The following PDE4D variants were observed in gnomAD, a reference collection of about 807,000 sequenced individuals.
PDE4D encodes phosphodiesterase 4D, also known as 3',5'-cyclic-AMP phosphodiesterase 4D.
In PDE4D, 24 loss-of-function variants were observed where a neutral mutation model predicts 87.4. That is an observed-to-expected ratio of 0.27 (90% CI 0.20 to 0.39). PDE4D has a LOEUF of 0.39. Among genes scored for constraint, PDE4D ranks in the 10% least tolerant of loss-of-function variants. The probability of loss-of-function intolerance (pLI) is 1.00; values close to 1 mark genes in which losing one functional copy is unlikely to be tolerated. For missense variants in PDE4D, 714 were observed against 1,041.0 expected, an observed-to-expected ratio of 0.69 and a Z score of 4.32; for synonymous variants, 384 against 383.2, an observed-to-expected ratio of 1.00 and a Z score of -0.02.
At chr5:60,056,878 T>C (rs996180122) in intron 2 of PDE4D, among the ~76,000 whole-genome samples, 1 of 152,058 alleles carries the variant, frequency 6.6e-6, no homozygotes, top group East Asian at 1.9e-4. Context: ...TATGACTCTC[T>C]ACCTCCAGGT....
chr5:59,328,486 T>C (rs1047862542), intron 1 of PDE4D, among the ~76,000 whole-genome samples: 65 of 152,298 alleles, frequency 4.3e-4, no homozygotes, highest in African/African-American at 1.5e-3. Flanking sequence ...ATTTAACATA[T>C]ACATATCAGA....
chr5:59,000,578 C>T (rs566695060), intron 6 of PDE4D, among the ~76,000 whole-genome samples: 1 of 152,206 alleles, frequency 6.6e-6, no homozygotes, highest in African/African-American at 2.4e-5. Context: ...AGGGGTGGGA[C>T]CACTTGCAAT....
At chr5:59,470,971 T>A (rs137911270) in intron 1 of PDE4D, among the ~76,000 whole-genome samples, 30 of 152,260 alleles carry the variant, frequency 2.0e-4, no homozygotes, top group African/African-American at 6.5e-4. Flanking sequence ...CAATGGCTCA[T>A]ACCTGGGATC....
rs572997842 is a variant in PDE4D, at chr5:60,145,436, C to A, written c.42+40121G>T. Among the ~76,000 whole-genome samples the A allele has an allele frequency of 2.6e-5, 4 of 152,290 alleles. No homozygotes were observed. The South Asian group carries it at 8.3e-4, about 32-fold the overall frequency. Reference sequence around the variant, plus strand: ...TTAATTACCAAAGTCCTCAACAGTTCTAAGTTACTTAAGAGTCATCTTAAC... The same window carrying A: ...TTAATTACCAAAGTCCTCAACAGTTATAAGTTACTTAAGAGTCATCTTAAC... On this transcript the variant is annotated intron_variant, in intron 2 of 16. Coordinates refer to the PDE4D transcript ENST00000502484.
At chr5:59,159,839 C>A (rs1160779931) in intron 5 of PDE4D, among the ~76,000 whole-genome samples, 1 of 152,106 alleles carries the variant, frequency 6.6e-6, no homozygotes, top group Non-Finnish European at 1.5e-5. Flanking sequence ...ACAAAAGATG[C>A]CAATAAAGCC....
chr5:60,454,406 C>T (rs1265640246), intron 1 of PDE4D, among the ~76,000 whole-genome samples: 5 of 152,048 alleles, frequency 3.3e-5, no homozygotes, highest in African/African-American at 9.7e-5. Flanking sequence ...ACCCAAATGC[C>T]GATCAATGAT....
chr5:59,843,673 T>A (rs1581381900), intron 1 of PDE4D, among the ~76,000 whole-genome samples: 1 of 152,088 alleles, frequency 6.6e-6, no homozygotes, highest in East Asian at 1.9e-4. Flanking sequence ...TTTATAACTC[T>A]GAGCACACAG....
intron 11 of PDE4D, among the ~76,000 whole-genome samples, chr5:58,987,739 T>C (rs1040061754): frequency 1.3e-5 from 2 of 152,220 alleles, no homozygotes; most frequent in African/African-American, 4.8e-5. Context: ...TCTACCATAA[T>C]TTATAATCTA....
At chr5:58,983,196 C>T (rs148248339) in intron 11 of PDE4D, among the ~76,000 whole-genome samples, 448 of 152,338 alleles carry the variant, frequency 2.9e-3, no homozygotes, top group African/African-American at 0.01. Context: ...TGTATACTTC[C>T]GGTGGTACCT....
chr5:59,826,174 G>C (rs1770299759), intron 1 of PDE4D, among the ~76,000 whole-genome samples: 1 of 152,114 alleles, frequency 6.6e-6, no homozygotes, highest in Non-Finnish European at 1.5e-5. Flanking sequence ...TCTCTCTCCA[G>C]TGCAATACTC....
At chr5:59,923,094 G>A (rs1318967405) in intron 3 of PDE4D, among the ~76,000 whole-genome samples, 1 of 152,278 alleles carries the variant, frequency 6.6e-6, no homozygotes, top group African/African-American at 2.4e-5. Flanking sequence ...GTCTAGGGTG[G>A]TGGTAGCCTC....
At chr5:60,398,328 A>T (rs16877993) in intron 1 of PDE4D, among the ~76,000 whole-genome samples, 28,084 of 152,174 alleles carry the variant, frequency 0.18, 3,576 homozygotes, top group African/African-American at 0.36. Flanking sequence ...TGGTGGTAAA[A>T]GTGGCTGTCA....
chr5:60,519,760 C>A (rs1253635926), intron 1 of PDE4D, among the ~76,000 whole-genome samples: 1 of 152,116 alleles, frequency 6.6e-6, no homozygotes, highest in Non-Finnish European at 1.5e-5. Flanking sequence ...AGGAAAATAA[C>A]TTTTTCATTT....
At chr5:59,119,760 A>G (rs1774177535) in intron 5 of PDE4D, among the ~76,000 whole-genome samples, 1 of 152,194 alleles carries the variant, frequency 6.6e-6, no homozygotes, top group Non-Finnish European at 1.5e-5. Context: ...TTTCAATTCC[A>G]CTACCTTTCC....
At chr5:59,664,110 T>C in intron 1 of PDE4D, among the ~76,000 whole-genome samples, 1 of 152,314 alleles carries the variant, frequency 6.6e-6, no homozygotes, top group Non-Finnish European at 1.5e-5. Context: ...CATGCTAATA[T>C]CAACATTTTA....
chr5:59,918,916 T>C (rs963134377), intron 3 of PDE4D, among the ~76,000 whole-genome samples: 1 of 152,162 alleles, frequency 6.6e-6, no homozygotes, highest in Admixed American at 6.5e-5. Flanking sequence ...AACTGTGAGA[T>C]AGTAAGTGTG....
chr5:59,446,876 G>A (rs34506272), intron 1 of PDE4D, among the ~76,000 whole-genome samples: 10 of 152,162 alleles, frequency 6.6e-5, no homozygotes, highest in Admixed American at 1.3e-4. Flanking sequence ...AGAGGTTCAC[G>A]CTCTGTTTAG....
chr5:59,306,311 C>A (rs571736390), intron 1 of PDE4D, among the ~76,000 whole-genome samples: 24 of 152,250 alleles, frequency 1.6e-4, no homozygotes, highest in Admixed American at 5.2e-4. Context: ...CTGAAGGCAG[C>A]AGATAGTTGG....
chr5:59,218,930 A>C (rs1751849706), intron 1 of PDE4D, among the ~76,000 whole-genome samples: 1 of 151,384 alleles, frequency 6.6e-6, no homozygotes, highest in Admixed American at 6.6e-5. Context: ...CATTCTCAGT[A>C]AACTATCGCA....
Sources: gnomAD v4.1 joint callset for allele counts (sites outside exome capture counted in the v4.1 genomes callset) on GRCh38, gnomAD v4.1.1 for gene constraint, MANE v1.5 for transcripts, NCBI Gene and HGNC (gene_info 2026-07-23, HGNC 2026-07-21) for gene names.